The following SLC25A43 variants were observed in gnomAD, a reference collection of about 807,000 sequenced individuals.
The protein encoded by SLC25A43 is solute carrier family 25 member 43.
In SLC25A43, 10 loss-of-function variants were observed where a neutral mutation model predicts 22.8. That is an observed-to-expected ratio of 0.44 (90% CI 0.27 to 0.74). The LOEUF (loss-of-function observed/expected upper bound fraction) is 0.74, where lower values mean the gene tolerates loss of function less well. SLC25A43 is among the 30% of genes least tolerant of loss of function. SLC25A43 has a pLI of 0.17. For missense variants in SLC25A43, 233 were observed against 279.1 expected, an observed-to-expected ratio of 0.83 and a Z score of 1.18; for synonymous variants, 106 against 121.6, an observed-to-expected ratio of 0.87 and a Z score of 0.84.
At chrX:119,419,492 C>T (rs1441418450) in intron 3 of SLC25A43, among the ~76,000 whole-genome samples, 3 of 111,398 alleles carry the variant, frequency 2.7e-5, no homozygotes, top group Non-Finnish European at 3.8e-5. Context: ...TAGAGATGCT[C>T]GACACCTCGG....
chrX:119,445,135 T>C (rs912136571), intron 3 of SLC25A43, among the ~76,000 whole-genome samples: 1 of 109,116 alleles, frequency 9.2e-6, no homozygotes, highest in Non-Finnish European at 1.9e-5. Flanking sequence ...GTCTGTGTGA[T>C]GCTGAAGCCC....
At chrX:119,431,063 A>G (rs1246228566) in intron 3 of SLC25A43, among the ~76,000 whole-genome samples, 1 of 111,825 alleles carries the variant, frequency 8.9e-6, no homozygotes, top group African/African-American at 3.3e-5. Context: ...AGTCAAACAG[A>G]CCCAGATTCA....
rs17261110 is a variant in SLC25A43 at position 119,453,484 on chromosome X, C to T, written c.*419C>T. 0.11 allele frequency: 15,900 copies of T among 140,504 alleles called. 747 individuals carry two copies. Among genetic ancestry groups the T allele is most frequent in the Middle Eastern group, 0.16 (51 of 315 alleles). 11.6% of individuals were successfully genotyped at this position (140,504 alleles called of 1,213,427 possible). A position where few individuals can be genotyped will look rare whatever the true frequency, so the allele number is the denominator to read the frequency against. ...TCAATGCAAAGCTTGCACAAACCAA[C>T]GTCAGCCTAGTTTCACTCAGTTTGA... On this transcript the variant is annotated 3_prime_UTR_variant, in exon 5 of 5. Coordinates refer to ENST00000217909, the MANE Select transcript of SLC25A43 (RefSeq NM_145305.3).
intron 3 of SLC25A43, chrX:119,423,700 GA>G (rs1450751819): frequency 9.0e-6 from 1 of 110,557 alleles, no homozygotes; most frequent in Non-Finnish European, 1.9e-5. Flanking sequence ...GGGAAGTGAT[GA>G]CAAGAAAGCC....
chrX:119,399,511 C>A lies in SLC25A43; in HGVS notation c.108C>A (p.Ala36=). 9.1e-7 allele frequency: 1 copy of A among 1,096,622 alleles called. No homozygotes were observed. Among genetic ancestry groups the A allele is most frequent in the Non-Finnish European group, 1.2e-6 (1 of 841,619 alleles). The allele number at this position is 1,096,622 out of a possible 1,213,427, so 90.4% of individuals were successfully genotyped here. The change falls in exon 1 of 5, where the codon GCC becomes GCA. Residue 36 remains alanine (A), a synonymous_variant. Coordinates refer to ENST00000217909, the MANE Select transcript of SLC25A43 (RefSeq NM_145305.3). ...SLSLTAPLEL[A]TVLAQVGVVR... is the part of the protein sequence containing the mutation. The stretch of plus-strand genomic sequence containing the variant: ...GCCTCACCGCGCCCCTGGAGCTCGC[C>A]ACCGTGCTGGCCCAGGTTGGCGTCG...
rs774077713 is a variant in SLC25A43 at position 119,443,269 on chromosome X, G to A, written c.691-8740G>A. On this transcript the variant is annotated intron_variant, in intron 3 of 4. Coordinates refer to ENST00000217909, the MANE Select transcript of SLC25A43 (RefSeq NM_145305.3). ...CGAGTGGCCGGGATTACAGGCATCT[G>A]CCACCATGCCCGGCTAATTTTTGTA... 5.9e-3 allele frequency among the ~76,000 whole-genome samples: 630 copies of A among 106,969 alleles called. 5 individuals carry two copies. The highest frequency in any genetic ancestry group is 0.02 in the African/African-American group (581 of 29,296). The allele number at this position is 106,969 out of a possible 115,157, so 92.9% of individuals were successfully genotyped here.
At chrX:119,429,947 A>G (rs1408759275) in intron 3 of SLC25A43, among the ~76,000 whole-genome samples, 1 of 112,207 alleles carries the variant, frequency 8.9e-6, no homozygotes, top group African/African-American at 3.2e-5. Flanking sequence ...ATTTTGTTTC[A>G]GTCTCCTCAT....
intron 3 of SLC25A43, among the ~76,000 whole-genome samples, chrX:119,412,524 C>T (rs766396690): frequency 9.0e-6 from 1 of 111,366 alleles, no homozygotes; most frequent in Non-Finnish European, 1.9e-5. Flanking sequence ...CAGGCATGTG[C>T]CACTACACCC....
intron 3 of SLC25A43, among the ~76,000 whole-genome samples, chrX:119,412,050 T>C (rs901848095): frequency 9.0e-6 from 1 of 111,134 alleles, no homozygotes; most frequent in Non-Finnish European, 1.9e-5. Flanking sequence ...GGTTTTCCCC[T>C]GTGACTCTAA....
intron 1 of SLC25A43, among the ~76,000 whole-genome samples, chrX:119,401,149 G>A (rs2052234448): frequency 9.0e-6 from 1 of 111,349 alleles, no homozygotes; most frequent in African/African-American, 3.3e-5. Flanking sequence ...TGCAGAATTG[G>A]GCTCAGAGTG....
At chrX:119,441,332 G>A (rs1416299521) in intron 3 of SLC25A43, among the ~76,000 whole-genome samples, 1 of 83,530 alleles carries the variant, frequency 1.2e-5, no homozygotes, top group East Asian at 3.9e-4. Context: ...TTCGGCTCGC[G>A]CACGGTGCGC....
intron 3 of SLC25A43, among the ~76,000 whole-genome samples, chrX:119,415,789 G>A (rs2052394979): frequency 9.2e-6 from 1 of 108,924 alleles, no homozygotes; most frequent in Non-Finnish European, 1.9e-5. Flanking sequence ...GATCACTTGA[G>A]GCTAGGAGTT....
intron 3 of SLC25A43, among the ~76,000 whole-genome samples, chrX:119,428,453 C>CA (rs372582882): frequency 3.6e-4 from 37 of 103,556 alleles, no homozygotes; most frequent in South Asian, 8.3e-4. Context: ...GAAACTGTCT[C>CA]AAAAAAAAAA....
intron 3 of SLC25A43, among the ~76,000 whole-genome samples, chrX:119,445,908 T>C (rs1218360514): frequency 9.1e-6 from 1 of 110,119 alleles, no homozygotes; most frequent in Non-Finnish European, 1.9e-5. Flanking sequence ...ATCCCAGCAC[T>C]TTGGGAGGCC....
At chrX:119,422,890 C>T (rs1038272328) in intron 3 of SLC25A43, 4 of 112,079 alleles carry the variant, frequency 3.6e-5, no homozygotes, top group Non-Finnish European at 5.6e-5. Context: ...TTCTTGACAC[C>T]ATTTTGATTT....
intron 3 of SLC25A43, chrX:119,423,647 G>T (rs2052476792): frequency 8.9e-6 from 1 of 111,777 alleles, no homozygotes; most frequent in African/African-American, 3.2e-5. Flanking sequence ...ACTTTGCTGG[G>T]GAGGTTTTTG....
At chrX:119,414,943 C>T (rs1469427790) in intron 3 of SLC25A43, among the ~76,000 whole-genome samples, 10 of 55,402 alleles carry the variant, frequency 1.8e-4, no homozygotes, top group African/African-American at 6.7e-4. Context: ...TTTTTTGAGA[C>T]GGAGTCAGGC....
intron 2 of SLC25A43, among the ~76,000 whole-genome samples, chrX:119,409,513 C>CTT (rs34555153): frequency 2.2e-4 from 20 of 92,847 alleles, no homozygotes; most frequent in South Asian, 1.5e-3. Context: ...GCCAGCCCAC[C>CTT]TTTTTTTTTT....
At chrX:119,411,944 C>G (rs766417100) in intron 3 of SLC25A43, among the ~76,000 whole-genome samples, 1 of 111,837 alleles carries the variant, frequency 8.9e-6, no homozygotes, top group South Asian at 3.7e-4. Flanking sequence ...TGGGCAAACC[C>G]TGATTTATAC....
Sources: gnomAD v4.1 joint callset for allele counts (sites outside exome capture counted in the v4.1 genomes callset) on GRCh38, gnomAD v4.1.1 for gene constraint, MANE v1.5 for transcripts, NCBI Gene and HGNC (gene_info 2026-07-23, HGNC 2026-07-21) for gene names.